The following RIMS2 variants were observed in gnomAD, a reference collection of about 807,000 sequenced individuals.
The protein encoded by RIMS2 is regulating synaptic membrane exocytosis 2.
RIMS2 carries 59 observed loss-of-function variants against 174.4 expected under a neutral mutation model. The ratio of observed to expected loss-of-function variants is 0.34; its 90% CI spans 0.27 to 0.42. RIMS2 has a LOEUF of 0.42. RIMS2 is among the 10% of genes least tolerant of loss of function. The pLI is 1.00. For missense variants in RIMS2, 1,620 were observed against 1,666.3 expected (o/e 0.97, Z 0.48); for synonymous variants, 606 against 572.5 (o/e 1.06, Z -0.84).
At chr8:103,536,967 C>T (rs1840080150) in intron 1 of RIMS2, among the ~76,000 whole-genome samples, 1 of 152,324 alleles carries the variant, frequency 6.6e-6, no homozygotes, top group South Asian at 2.1e-4. Context: ...AAACCAAACT[C>T]ACAACTGATA....
At chr8:104,185,069 G>A (rs2098961017) in intron 19 of RIMS2, among the ~76,000 whole-genome samples, 1 of 151,464 alleles carries the variant, frequency 6.6e-6, no homozygotes, top group Admixed American at 6.6e-5. Context: ...TTTGTATGAA[G>A]CATAATTGCC....
intron 1 of RIMS2, among the ~76,000 whole-genome samples, chr8:103,643,457 A>G (rs1027812174): frequency 6.6e-6 from 1 of 151,980 alleles, no homozygotes; most frequent in Non-Finnish European, 1.5e-5. Context: ...AATGCCTTGT[A>G]ATTTGTTATT....
intron 3 of RIMS2, among the ~76,000 whole-genome samples, chr8:103,785,030 A>G (rs2098427919): frequency 7.1e-6 from 1 of 141,456 alleles, no homozygotes; most frequent in African/African-American, 2.7e-5. Context: ...TCTTTGAAGC[A>G]ATTGTGAATG....
chr8:103,806,052 G>A (rs2098648094), intron 3 of RIMS2, among the ~76,000 whole-genome samples: 2 of 151,938 alleles, frequency 1.3e-5, no homozygotes, highest in South Asian at 4.1e-4. Context: ...ATAAAGTTTT[G>A]AGATATAACT....
intron 15 of RIMS2, among the ~76,000 whole-genome samples, chr8:103,963,247 T>C (rs1051848311): frequency 6.6e-6 from 1 of 152,142 alleles, no homozygotes; most frequent in Non-Finnish European, 1.5e-5. Flanking sequence ...AATGTATACA[T>C]ATACAAAATG....
At chr8:104,190,283 G>T (rs1422235265) in intron 19 of RIMS2, among the ~76,000 whole-genome samples, 1 of 152,032 alleles carries the variant, frequency 6.6e-6, no homozygotes, top group Non-Finnish European at 1.5e-5. Flanking sequence ...GCCTGTGACA[G>T]AGTGGGACCC....
intron 2 of RIMS2, among the ~76,000 whole-genome samples, chr8:103,702,985 GTT>G (rs35590857): frequency 2.8e-5 from 3 of 107,074 alleles, no homozygotes; most frequent in Non-Finnish European, 4.0e-5. Flanking sequence ...TTGTGAGTTT[GTT>G]TTTTTTTTTT....
intron 4 of RIMS2, among the ~76,000 whole-genome samples, chr8:103,890,341 A>C (rs554273966): frequency 1.3e-5 from 2 of 152,106 alleles, no homozygotes; most frequent in African/African-American, 4.8e-5. Context: ...ACACCAATTT[A>C]CTCATTTTTC....
At chr8:103,955,467 A>G (rs1595775395) in intron 14 of RIMS2, among the ~76,000 whole-genome samples, 2 of 152,320 alleles carry the variant, frequency 1.3e-5, no homozygotes, top group African/African-American at 4.8e-5. Context: ...AATAAACATA[A>G]TCCATCACAT....
intron 19 of RIMS2, among the ~76,000 whole-genome samples, chr8:104,027,069 C>A (rs72683157): frequency 6.6e-6 from 1 of 152,104 alleles, no homozygotes; most frequent in Non-Finnish European, 1.5e-5. Context: ...GATGGACATT[C>A]AGTCACATCT....
At chr8:103,922,684 C>A in intron 10 of RIMS2, 1 of 374,542 alleles carries the variant, frequency 2.7e-6, no homozygotes, top group South Asian at 2.0e-5. Context: ...ATATTTTAAG[C>A]CCAAAAAAGA....
At position 103,664,452 on chromosome 8, in the gene RIMS2, C is replaced by A. The variant is rs193016056; in HGVS notation, c.177-32634C>A. 4.6e-3 allele frequency among the ~76,000 whole-genome samples: 698 copies of A among 152,168 alleles called. 24 individuals carry two copies. Among genetic ancestry groups the A allele is most frequent in the Admixed American group, 0.035 (535 of 15,292 alleles). On this transcript the variant is annotated intron_variant, in intron 1 of 23. Transcript: ENST00000504942. ...ACAAGAAAAAAAACAACAACCACAT[C>A]AAAAAGTGGATGAAGGATATGAACA...
chr8:103,643,104 T>A (rs535301581), intron 1 of RIMS2, among the ~76,000 whole-genome samples: 5 of 152,166 alleles, frequency 3.3e-5, no homozygotes, highest in Non-Finnish European at 5.9e-5. Context: ...TTTCACTCTT[T>A]TGTGTTTTTG....
chr8:103,789,128 G>A (rs1323705890), intron 3 of RIMS2, among the ~76,000 whole-genome samples: 1 of 152,122 alleles, frequency 6.6e-6, no homozygotes, highest in Non-Finnish European at 1.5e-5. Context: ...CCCTGCTTCG[G>A]CTCGTGCACG....
In RIMS2 at chr8:104,148,849, G is replaced by A. The variant is rs770084873; in HGVS notation, c.3335-96067G>A. 6 of 1,595,884 alleles carry A rather than the reference G, an allele frequency of 3.8e-6. No individual in the cohort carries two copies. Among genetic ancestry groups the A allele is most frequent in the Admixed American group, 1.7e-5 (1 of 59,898 alleles). On this transcript the variant is annotated intron_variant, in intron 19 of 23. Transcript: ENST00000504942. ...AGTGCTTCTCAGCTCAGCCAAACGG[G>A]TAGGAATTTCAATGTTACTTTTAAC...
At chr8:103,939,623 A>G (rs1356515278) in intron 13 of RIMS2, among the ~76,000 whole-genome samples, 2 of 152,194 alleles carry the variant, frequency 1.3e-5, no homozygotes, top group Non-Finnish European at 2.9e-5. Context: ...AGCTGGCTTG[A>G]ATTTTTCCTC....
At chr8:103,952,800 A>G (rs150276605) in intron 14 of RIMS2, among the ~76,000 whole-genome samples, 4 of 152,284 alleles carry the variant, frequency 2.6e-5, no homozygotes, top group African/African-American at 9.6e-5. Context: ...GAAAGTGGGT[A>G]ATAACAAACT....
intron 16 of RIMS2, among the ~76,000 whole-genome samples, chr8:103,988,463 C>T (rs1282510401): frequency 6.6e-6 from 1 of 151,816 alleles, no homozygotes; most frequent in Non-Finnish European, 1.5e-5. Flanking sequence ...ACTTAGGTAG[C>T]TTTTTTATTT....
intron 10 of RIMS2, among the ~76,000 whole-genome samples, chr8:103,927,166 G>A (rs2078935491): frequency 6.6e-6 from 1 of 151,490 alleles, no homozygotes; most frequent in Non-Finnish European, 1.5e-5. Context: ...TAATAGGTGT[G>A]ATTAGCAGTA....
Sources: allele counts gnomAD v4.1 joint callset (sites outside exome capture counted in the v4.1 genomes callset), GRCh38; gene constraint gnomAD v4.1.1; transcripts MANE v1.5; gene names NCBI Gene and HGNC (gene_info 2026-07-23, HGNC 2026-07-21).